AUTS2: variants seen among roughly 807,000 people sequenced by gnomAD.
AUTS2 encodes activator of transcription and developmental regulator AUTS2, also known as autism susceptibility gene 2 protein.
In AUTS2, 17 loss-of-function variants were observed where a neutral mutation model predicts 112.4. That is an observed-to-expected ratio of 0.15 (90% CI 0.10 to 0.23). AUTS2 has a LOEUF of 0.23. AUTS2 is among the 10% of genes least tolerant of loss of function. The probability of loss-of-function intolerance (pLI) is 1.00; values close to 1 mark genes in which losing one functional copy is unlikely to be tolerated. For synonymous variants in AUTS2, 751 were observed against 702.7 expected, an observed-to-expected ratio of 1.07 and a Z score of -1.09; for missense variants, 1,510 against 1,701.6, an observed-to-expected ratio of 0.89 and a Z score of 1.98.
intron 1 of AUTS2, among the ~76,000 whole-genome samples, chr7:69,705,316 A>G (rs1157790157): frequency 6.6e-6 from 1 of 152,176 alleles, no homozygotes; most frequent in Non-Finnish European, 1.5e-5. Flanking sequence ...TAGTACTACT[A>G]CTACCTAGTG....
chr7:70,572,020 C>T (rs1801963705), intron 5 of AUTS2, among the ~76,000 whole-genome samples: 1 of 152,202 alleles, frequency 6.6e-6, no homozygotes, highest in East Asian at 1.9e-4. Context: ...GGAACATCTG[C>T]AGGCAGCTTA....
At chr7:70,597,048 G>T (rs1803246509) in intron 5 of AUTS2, among the ~76,000 whole-genome samples, 3 of 151,984 alleles carry the variant, frequency 2.0e-5, no homozygotes, top group Admixed American at 2.0e-4. Context: ...TATTTCTTGG[G>T]GGAGCCATGG....
intron 4 of AUTS2, among the ~76,000 whole-genome samples, chr7:70,136,583 A>G (rs556368424): frequency 6.6e-6 from 1 of 152,326 alleles, no homozygotes; most frequent in African/African-American, 2.4e-5. Context: ...CATATTATTT[A>G]CACTGTGCTT....
intron 1 of AUTS2, among the ~76,000 whole-genome samples, chr7:69,662,416 G>T (rs1008646581): frequency 6.6e-6 from 1 of 152,096 alleles, no homozygotes; most frequent in Admixed American, 6.5e-5. Context: ...AGTATCTTGT[G>T]TATTGTAGGA....
intron 2 of AUTS2, among the ~76,000 whole-genome samples, chr7:70,115,306 T>G (rs1325159455): frequency 6.6e-6 from 1 of 152,188 alleles, no homozygotes; most frequent in Non-Finnish European, 1.5e-5. Flanking sequence ...CAGCTGGATA[T>G]GTATCTCTCA....
chr7:70,497,653 C>G (rs1407422218), intron 5 of AUTS2, among the ~76,000 whole-genome samples: 1 of 152,150 alleles, frequency 6.6e-6, no homozygotes, highest in East Asian at 1.9e-4. Context: ...TGGCATTCCC[C>G]TTATTTTAAA....
intron 4 of AUTS2, among the ~76,000 whole-genome samples, chr7:70,306,519 T>A (rs1789501930): frequency 6.6e-6 from 1 of 152,238 alleles, no homozygotes; most frequent in South Asian, 2.1e-4. Flanking sequence ...AGTGTTTTTT[T>A]ACCTTTTTAC....
intron 5 of AUTS2, among the ~76,000 whole-genome samples, chr7:70,670,768 C>A (rs1352714721): frequency 1.3e-5 from 2 of 152,206 alleles, no homozygotes; most frequent in Non-Finnish European, 2.9e-5. Context: ...TAAACTTCTG[C>A]CCCTCTTTAC....
chr7:70,266,909 C>T (rs1259169437), intron 4 of AUTS2, among the ~76,000 whole-genome samples: 4 of 152,190 alleles, frequency 2.6e-5, no homozygotes, highest in Admixed American at 1.3e-4. Context: ...TTGTGTTACC[C>T]GCTTTGGGCC....
At chr7:69,821,694 G>C (rs766198799) in intron 1 of AUTS2, among the ~76,000 whole-genome samples, 3 of 151,920 alleles carry the variant, frequency 2.0e-5, no homozygotes, top group Non-Finnish European at 4.4e-5. Context: ...AACTCCAGAC[G>C]TGCCACCTTT....
At chr7:70,721,625 G>A (rs1480684489) in intron 6 of AUTS2, among the ~76,000 whole-genome samples, 2 of 152,184 alleles carry the variant, frequency 1.3e-5, no homozygotes, top group Non-Finnish European at 2.9e-5. Flanking sequence ...TGGACACTGA[G>A]ATGTTGTACA....
At chr7:69,983,557 G>A (rs184212603) in intron 2 of AUTS2, among the ~76,000 whole-genome samples, 1 of 151,990 alleles carries the variant, frequency 6.6e-6, no homozygotes, top group Non-Finnish European at 1.5e-5. Flanking sequence ...GTATGACTGT[G>A]TAGGAAAGAA....
intron 2 of AUTS2, among the ~76,000 whole-genome samples, chr7:69,961,882 G>A (rs1312240031): frequency 6.6e-6 from 1 of 152,038 alleles, no homozygotes; most frequent in East Asian, 1.9e-4. Context: ...AAAAAAATAA[G>A]AAAACTCATA....
chr7:70,403,509 T>C (rs573714619), intron 4 of AUTS2, among the ~76,000 whole-genome samples: 2 of 152,346 alleles, frequency 1.3e-5, no homozygotes, highest in East Asian at 1.9e-4. Flanking sequence ...GGCGTCTGCC[T>C]GCCTACTGTG....
At chr7:69,640,869 C>T (rs1175006286) in intron 1 of AUTS2, among the ~76,000 whole-genome samples, 2 of 152,212 alleles carry the variant, frequency 1.3e-5, no homozygotes, top group African/African-American at 4.8e-5. Context: ...GGAGCATATA[C>T]ATTAAGTGCT....
intron 2 of AUTS2, among the ~76,000 whole-genome samples, chr7:70,065,215 A>C (rs1396246078): frequency 6.6e-6 from 1 of 152,104 alleles, no homozygotes; most frequent in Non-Finnish European, 1.5e-5. Flanking sequence ...TTTTGGTGAT[A>C]TATTAGATTA....
At chr7:69,986,540 T>A (rs963214457) in intron 2 of AUTS2, among the ~76,000 whole-genome samples, 3 of 152,226 alleles carry the variant, frequency 2.0e-5, no homozygotes, top group Non-Finnish European at 4.4e-5. Flanking sequence ...CAGGTGAGAA[T>A]GTTACTGCTC....
intron 5 of AUTS2, among the ~76,000 whole-genome samples, chr7:70,621,978 C>G (rs1317299093): frequency 6.7e-6 from 1 of 149,146 alleles, no homozygotes; most frequent in East Asian, 2.0e-4. Flanking sequence ...TCGCGAGTAA[C>G]TGGGACTACA....
At chr7:70,764,216 C>T (rs1304130294) in intron 7 of AUTS2, among the ~76,000 whole-genome samples, 13 of 152,094 alleles carry the variant, frequency 8.5e-5, no homozygotes, top group Admixed American at 6.5e-4. Context: ...CCCAAGGAGC[C>T]GGGCCCGGCT....
Sources: allele counts gnomAD v4.1 joint callset (sites outside exome capture counted in the v4.1 genomes callset), GRCh38; gene constraint gnomAD v4.1.1; transcripts MANE v1.5; gene names NCBI Gene and HGNC (gene_info 2026-07-23, HGNC 2026-07-21).